The following AKAP14 variants were observed in gnomAD, a reference collection of about 807,000 sequenced individuals.
AKAP14 encodes the protein A-kinase anchor protein 14.
Under a neutral mutation model 17.0 loss-of-function variants are expected in AKAP14, and 4 were observed. That is an observed-to-expected ratio of 0.23 (90% confidence interval 0.12 to 0.54). The LOEUF is 0.54. AKAP14 is among the 20% of genes least tolerant of loss of function. The pLI, the probability that AKAP14 is intolerant of heterozygous loss-of-function variation, is 0.95. For synonymous variants in AKAP14, 42 were observed against 51.3 expected (o/e 0.82, Z 0.77); for missense variants, 129 against 150.9 (o/e 0.85, Z 0.76).
chrX:119,906,938 C>G (rs980142767), intron 4 of AKAP14, among the ~76,000 whole-genome samples: 1 of 111,716 alleles, frequency 9.0e-6, no homozygotes, highest in Non-Finnish European at 1.9e-5. Context: ...TTAGGAGTTG[C>G]CATTTACTGA....
chrX:119,902,133 G>A (rs1231309739), intron 2 of AKAP14, among the ~76,000 whole-genome samples: 1 of 105,036 alleles, frequency 9.5e-6, no homozygotes, highest in African/African-American at 3.5e-5. Flanking sequence ...GCAGTGGTGC[G>A]ATCTCGGCTC....
Position 119,920,650 on chromosome X carries a change from A to AT in AKAP14, c.*45dup, listed in dbSNP as rs754542696. The AT allele has an allele frequency of 3.0e-6, 3 of 1,001,459 alleles. No individual in the cohort carries two copies. The East Asian group carries it at 9.4e-5, about 31-fold the overall frequency. The allele number at this position is 1,001,459 out of a possible 1,213,427, so 82.5% of individuals were successfully genotyped here. A position where few individuals can be genotyped will look rare whatever the true frequency, so the allele number is the denominator to read the frequency against. ...AGGATTGTTTTTCTCATCAGGATACATTAAAAATACAATACAGCACGTCAA... is the reference window on the plus strand; with the variant it reads ...AGGATTGTTTTTCTCATCAGGATACATTTAAAAATACAATACAGCACGTCAA... On this transcript the variant is annotated 3_prime_UTR_variant, in exon 7 of 7. Coordinates refer to ENST00000371431, the MANE Select transcript of AKAP14 (RefSeq NM_178813.6).
chrX:119,902,728 G>T (rs2056573888), intron 2 of AKAP14, among the ~76,000 whole-genome samples: 1 of 111,105 alleles, frequency 9.0e-6, no homozygotes, highest in Admixed American at 9.7e-5. Context: ...TTTTGCTCTT[G>T]TTGCCCAGGC....
rs1227813240 is a variant in AKAP14, at chrX:119,914,681, C to T, written c.262-18C>T. The T allele has an allele frequency of 8.4e-7, 1 of 1,188,482 alleles. No individual in the cohort carries two copies. Among genetic ancestry groups the T allele is most frequent in the Non-Finnish European group, 1.1e-6 (1 of 886,133 alleles). ...GCTTTTCTTTTTCTGTGTGCTTTTT[C>T]TTTTTTCTATGAAACAGAAGTGTGT... On this transcript the variant is annotated intron_variant, in intron 4 of 6. Coordinates refer to ENST00000371431, the MANE Select transcript of AKAP14 (RefSeq NM_178813.6).
chrX:119,909,207 C>T (rs970931252), intron 4 of AKAP14, among the ~76,000 whole-genome samples: 1 of 111,486 alleles, frequency 9.0e-6, no homozygotes, highest in African/African-American at 3.3e-5. Flanking sequence ...CATGCTCTGG[C>T]TGGGTGCGGT....
At chrX:119,910,218 T>A (rs1439523856) in intron 4 of AKAP14, among the ~76,000 whole-genome samples, 1 of 111,773 alleles carries the variant, frequency 8.9e-6, no homozygotes, top group African/African-American at 3.2e-5. Flanking sequence ...TCTCAAGGAA[T>A]CTCGAGTCCA....
chrX:119,909,791 A>G (rs1477837821), intron 4 of AKAP14, among the ~76,000 whole-genome samples: 1 of 108,701 alleles, frequency 9.2e-6, no homozygotes, highest in South Asian at 4.1e-4. Context: ...AGGCTGAGGA[A>G]GGAGAATCGC....
At chrX:119,904,433 A>G (rs761018920) in intron 4 of AKAP14, among the ~76,000 whole-genome samples, 55 of 112,776 alleles carry the variant, frequency 4.9e-4, no homozygotes, top group African/African-American at 1.7e-3. Flanking sequence ...ATTACTTTGC[A>G]TAACTGGTGA....
rs186987905 is a variant in AKAP14 at position 119,897,662 on chromosome X, C to G, written c.-11+1395C>G. Among the ~76,000 whole-genome samples, 393 of 112,232 alleles carry G rather than the reference C, an allele frequency of 3.5e-3. 4 individuals are homozygous for G. The highest frequency in any genetic ancestry group is 0.012 in the African/African-American group (377 of 30,957). Reference sequence around the variant, plus strand: ...GTGTTAAGGACCTTTAGGCTCCTCACTGACCACCCTTTAGCCTCTGGCTGC... The same window carrying G: ...GTGTTAAGGACCTTTAGGCTCCTCAGTGACCACCCTTTAGCCTCTGGCTGC... On this transcript the variant is annotated intron_variant, in intron 2 of 6. Coordinates refer to ENST00000371431, the MANE Select transcript of AKAP14 (RefSeq NM_178813.6).
rs1230349836 is a variant in AKAP14, at chrX:119,896,214, C to T, written c.-64C>T. 1.8e-5 allele frequency: 2 copies of T among 109,770 alleles called. No homozygotes were observed. Among genetic ancestry groups the T allele is most frequent in the African/African-American group, 3.3e-5 (1 of 30,058 alleles). 9.0% of individuals were successfully genotyped at this position (109,770 alleles called of 1,213,427 possible). A position where few individuals can be genotyped will look rare whatever the true frequency, so the allele number is the denominator to read the frequency against. ...AGCTACTGAGAGAATCCTGAGACAT[C>T]CCCAGCCACCTACCACTGCTCCTGT... On this transcript the variant is annotated 5_prime_UTR_variant, in exon 2 of 7. Transcript: ENST00000371431.
intron 2 of AKAP14, among the ~76,000 whole-genome samples, chrX:119,899,419 T>A (rs1377132579): frequency 9.0e-6 from 1 of 110,948 alleles, no homozygotes; most frequent in East Asian, 2.8e-4. Flanking sequence ...AAGGGAATAT[T>A]TACAAAGGTG....
At chrX:119,918,301 G>A (rs781721792) in intron 5 of AKAP14, among the ~76,000 whole-genome samples, 15 of 111,209 alleles carry the variant, frequency 1.3e-4, no homozygotes, top group African/African-American at 4.6e-4. Context: ...GCCCAATCTC[G>A]GCTCACTGCA....
chrX:119,913,147 TAAATA>T (rs941258293), intron 4 of AKAP14, among the ~76,000 whole-genome samples: 2,372 of 105,075 alleles, frequency 0.023, 75 homozygotes, highest in African/African-American at 0.076. Flanking sequence ...AATAAATAAA[TAAATA>T]AAATAAAATA....
chrX:119,901,944 G>A (rs1473016719), intron 2 of AKAP14, among the ~76,000 whole-genome samples: 3 of 109,959 alleles, frequency 2.7e-5, no homozygotes, highest in South Asian at 3.8e-4. Context: ...GGATTCTCCC[G>A]GGAGGCGGAG....
At chrX:119,914,957 A>G in intron 5 of AKAP14, 79 bp downstream of exon 5, 2 of 1,010,765 alleles carry the variant, frequency 2.0e-6, no homozygotes, top group Non-Finnish European at 2.7e-6. Context: ...CAATAACCCC[A>G]TTTTTACAAA....
At chrX:119,900,828 C>G (rs1603377179) in intron 2 of AKAP14, among the ~76,000 whole-genome samples, 1 of 112,330 alleles carries the variant, frequency 8.9e-6, no homozygotes, top group African/African-American at 3.2e-5. Flanking sequence ...TGAGCCACTG[C>G]ACCCGGCTGC....
At chrX:119,907,844 T>G (rs1283283321) in intron 4 of AKAP14, among the ~76,000 whole-genome samples, 1 of 112,210 alleles carries the variant, frequency 8.9e-6, no homozygotes, top group Non-Finnish European at 1.9e-5. Context: ...TTTTTCTTAT[T>G]TGTTTTTTCT....
chrX:119,916,181 C>CT (rs767131219), intron 5 of AKAP14, among the ~76,000 whole-genome samples: 43 of 105,573 alleles, frequency 4.1e-4, no homozygotes, highest in Middle Eastern at 4.9e-3. Context: ...ACTTCTCTCT[C>CT]TTTTTTTTTT....
At chrX:119,898,518 G>A (rs1463958813) in intron 2 of AKAP14, among the ~76,000 whole-genome samples, 5 of 110,936 alleles carry the variant, frequency 4.5e-5, no homozygotes, top group African/African-American at 1.3e-4. Flanking sequence ...TTGTCCGGGC[G>A]TGGTGGCTCA....
Sources: gnomAD v4.1 joint callset for allele counts (sites outside exome capture counted in the v4.1 genomes callset) on GRCh38, gnomAD v4.1.1 for gene constraint, MANE v1.5 for transcripts, NCBI Gene and HGNC (gene_info 2026-07-23, HGNC 2026-07-21) for gene names.